CACNA1S: variants seen among roughly 807,000 people sequenced by gnomAD.
The protein encoded by CACNA1S is calcium voltage-gated channel subunit alpha1 S, also known as voltage-dependent L-type calcium channel subunit alpha-1S.
CACNA1S carries 126 observed loss-of-function variants against 207.4 expected under a neutral mutation model. The ratio of observed to expected loss-of-function variants is 0.61; its 90% confidence interval spans 0.53 to 0.70. The LOEUF is 0.70. Ranked by LOEUF, CACNA1S falls within the 30% of genes least tolerant of loss-of-function variation. The pLI is 0.00. For synonymous variants in CACNA1S, 960 were observed against 932.7 expected, an observed-to-expected ratio of 1.03 and a Z score of -0.53; for missense variants, 2,349 against 2,422.8, an observed-to-expected ratio of 0.97 and a Z score of 0.64.
In CACNA1S at chr1:201,066,460, C is replaced by T. The variant is rs373613518; in HGVS notation, c.2658-144G>A. ...TCCCACCTTCCCCTTCCCTTTCCTC[C>T]AGCCGTGAGAGTGTGCCCGACTCCA... is the stretch of plus-strand genomic sequence containing the variant. On this transcript the variant is annotated intron_variant, in intron 20 of 43. Transcript: ENST00000362061. The surrounding 1 kb of genome is among the most constrained non-coding windows in gnomAD (Gnocchi z 4.3). 1.1e-3 allele frequency: 773 copies of T among 735,676 alleles called. 5 individuals are homozygous for T. In the African/African-American group the frequency reaches 0.011, roughly 11 times the overall value. 45.6% of individuals were successfully genotyped at this position (735,676 alleles called of 1,614,324 possible).
intron 28 of CACNA1S, among the ~76,000 whole-genome samples, chr1:201,057,140 C>A (rs1660876605): frequency 6.6e-6 from 1 of 152,222 alleles, no homozygotes; most frequent in Admixed American, 6.5e-5. Context: ...AGAATAAAAT[C>A]CAAGATCATA....
chr1:201,051,633 A>G (rs1253761637), intron 32 of CACNA1S, among the ~76,000 whole-genome samples: 1 of 152,198 alleles, frequency 6.6e-6, no homozygotes, highest in African/African-American at 2.4e-5. Context: ...GTGCATATGC[A>G]TGACATGTTT....
At chr1:201,044,553 C>T (rs1660410818) in intron 38 of CACNA1S, 97 bp from the exon 39 acceptor site, 3 of 1,441,856 alleles carry the variant, frequency 2.1e-6, no homozygotes, top group Non-Finnish European at 2.9e-6. Context: ...CTCTGTTGCC[C>T]AGGCTGGAGT....
intron 10 of CACNA1S, 53 bp from the exon 11 acceptor site, chr1:201,078,157 T>C (rs1470438607): frequency 1.4e-6 from 2 of 1,418,078 alleles, no homozygotes; most frequent in African/African-American, 2.8e-5. Context: ...TTCTCCTGAC[T>C]CCCAGCCTTG....
At chr1:201,101,097 A>G (rs1047230373) in intron 2 of CACNA1S, among the ~76,000 whole-genome samples, 1 of 152,186 alleles carries the variant, frequency 6.6e-6, no homozygotes, top group Admixed American at 6.5e-5. Context: ...AGTAAAGATC[A>G]TGTACTATGA....
At chr1:201,047,682 G>A (rs1484150419) in intron 36 of CACNA1S, 56 bp from the exon 37 acceptor site, 25 of 1,128,674 alleles carry the variant, frequency 2.2e-5, no homozygotes, top group Non-Finnish European at 3.2e-5. Context: ...ACTTGACAAG[G>A]CCACCCAGTT....
At chr1:201,050,904 C>T (rs867439557) in intron 33 of CACNA1S, 80 bp downstream of exon 33, 1 of 1,462,932 alleles carries the variant, frequency 6.8e-7, no homozygotes, top group East Asian at 2.3e-5. Flanking sequence ...TGGAAACTGG[C>T]CAGGAAGGGG....
intron 13 of CACNA1S, 123 bp from the exon 14 acceptor site, chr1:201,074,743 G>A (rs1258193591): frequency 5.5e-6 from 4 of 731,210 alleles, no homozygotes; most frequent in Non-Finnish European, 1.0e-5. Context: ...CCATGGGAAG[G>A]TGTGGATCCA....
chr1:201,098,159 G>C lies in CACNA1S; in HGVS notation c.259-4138C>G, dbSNP rs1028195559. On this transcript the variant is annotated intron_variant, in intron 2 of 43. Transcript: ENST00000362061. ...TCATTGAGAGCAGGGACTTAGCTCT[G>C]TTCACTGCTGTGTCAACTGCATCTA... 6.8e-4 allele frequency among the ~76,000 whole-genome samples: 103 copies of C among 152,214 alleles called. 1 individual carries two copies. Among genetic ancestry groups the C allele is most frequent in the Non-Finnish European group, 2.4e-4 (16 of 68,034 alleles).
intron 34 of CACNA1S, among the ~76,000 whole-genome samples, chr1:201,049,946 G>T (rs1427580659): frequency 6.6e-6 from 1 of 152,186 alleles, no homozygotes; most frequent in Admixed American, 6.5e-5. Context: ...AGGAAAGTAA[G>T]AGAGCCGTGC....
intron 6 of CACNA1S, 107 bp from the exon 7 acceptor site, chr1:201,088,036 C>T (rs1041672931): frequency 3.4e-5 from 26 of 764,790 alleles, no homozygotes; most frequent in African/African-American, 6.9e-5. Context: ...AGAGAAGCCA[C>T]GCTGGGATAT....
intron 35 of CACNA1S, 38 bp from the exon 36 acceptor site, chr1:201,048,722 G>T: frequency 1.3e-6 from 2 of 1,572,876 alleles, no homozygotes. Context: ...GCTGAGCTGG[G>T]ACCAGGCCAA....
rs555607680 is a variant in CACNA1S, at chr1:201,087,390, C to G, written c.1004+436G>C. On this transcript the variant is annotated intron_variant, in intron 7 of 43. Transcript: ENST00000362061. Reference sequence around the variant, plus strand: ...TAGCTCCAGAGTCTGTGTGCTTAACCGAAAGCCCCACCGCCTCTTAGTGCT... The same window carrying G: ...TAGCTCCAGAGTCTGTGTGCTTAACGGAAAGCCCCACCGCCTCTTAGTGCT... Among the ~76,000 whole-genome samples the G allele has an allele frequency of 2.0e-5, 3 of 152,218 alleles. No individual in the cohort carries two copies. In the Middle Eastern group the frequency reaches 0.01, roughly 521 times the overall value.
Position 201,061,921 on chromosome 1 carries a change from C to T in CACNA1S, c.3053+23G>A, listed in dbSNP as rs753551585. The T allele has an allele frequency of 1.9e-6, 3 of 1,613,962 alleles. No individual in the cohort carries two copies. In the Admixed American group the frequency reaches 5.0e-5, roughly 27 times the overall value. ...CCTACCTGACCATGTCCATGAGGGA[C>T]CTAGGCCCCAGCCATCACTCACTGA... On this transcript the variant is annotated intron_variant, in intron 24 of 43. Coordinates refer to ENST00000362061, the MANE Select transcript of CACNA1S (RefSeq NM_000069.3).
At chr1:201,073,720 G>A in intron 14 of CACNA1S, 78 bp from the exon 15 acceptor site, 1 of 1,139,300 alleles carries the variant, frequency 8.8e-7, no homozygotes. Context: ...ACCTTCAGGA[G>A]GATCCCACAC....
chr1:201,055,023 T>C (rs909790612), intron 28 of CACNA1S, among the ~76,000 whole-genome samples: 1 of 152,164 alleles, frequency 6.6e-6, no homozygotes, highest in Admixed American at 6.5e-5. Context: ...GGGGCACAGC[T>C]CCTCTGGGGG....
chr1:201,059,526 C>A (rs1053347341), intron 26 of CACNA1S, among the ~76,000 whole-genome samples: 2 of 152,236 alleles, frequency 1.3e-5, no homozygotes, highest in African/African-American at 4.8e-5. Flanking sequence ...AAAGAGATAA[C>A]ACAGAAGGGG....
chr1:201,076,770 G>A, intron 12 of CACNA1S, 150 bp downstream of exon 12: 2 of 766,328 alleles, frequency 2.6e-6, no homozygotes, highest in South Asian at 1.4e-5. Flanking sequence ...AGAAGCACAG[G>A]TGATAGGGGA....
chr1:201,104,376 A>G (rs1662799048), intron 2 of CACNA1S, among the ~76,000 whole-genome samples: 1 of 152,100 alleles, frequency 6.6e-6, no homozygotes, highest in Admixed American at 6.5e-5. Context: ...CTTGAAAACC[A>G]CTGACCTAGG....
Sources: allele counts gnomAD v4.1 joint callset (sites outside exome capture counted in the v4.1 genomes callset), GRCh38; gene constraint gnomAD v4.1.1; non-coding constraint Gnocchi (gnomAD v3.1); transcripts MANE v1.5; gene names NCBI Gene and HGNC (gene_info 2026-07-23, HGNC 2026-07-21).